The following DNAH9 variants were observed in gnomAD, a reference collection of about 807,000 sequenced individuals.
DNAH9 encodes dynein axonemal heavy chain 9, also known as DNAH9 variant protein.
Under a neutral mutation model 471.6 loss-of-function variants are expected in DNAH9, and 345 were observed. That is an observed-to-expected ratio of 0.73 (90% CI 0.67 to 0.80). The LOEUF is 0.80. Ranked by LOEUF, DNAH9 falls within the 30% of genes least tolerant of loss-of-function variation. The probability of loss-of-function intolerance (pLI) is 0.00; values close to 1 mark genes in which losing one functional copy is unlikely to be tolerated. For missense variants in DNAH9, 5,407 were observed against 5,609.2 expected (o/e 0.96, Z 1.15); for synonymous variants, 2,093 against 2,123.6 (o/e 0.99, Z 0.40).
chr17:11,660,899 C>A (rs1287572329), intron 14 of DNAH9, among the ~76,000 whole-genome samples: 1 of 151,956 alleles, frequency 6.6e-6, no homozygotes, highest in African/African-American at 2.4e-5. Context: ...TAAATTAGTT[C>A]AAAGCAATTG....
intron 29 of DNAH9, among the ~76,000 whole-genome samples, chr17:11,740,839 C>T (rs749430457): frequency 1.5e-4 from 23 of 152,260 alleles, no homozygotes; most frequent in Non-Finnish European, 2.9e-4. Context: ...TATTCCTCCC[C>T]GCCCCCAGTC....
At chr17:11,917,583 A>G (rs949515209) in intron 61 of DNAH9, among the ~76,000 whole-genome samples, 2 of 152,026 alleles carry the variant, frequency 1.3e-5, no homozygotes, top group Non-Finnish European at 2.9e-5. Flanking sequence ...CTTTTTCCCT[A>G]AAGGAGCCAC....
chr17:11,842,398 C>T (rs2150959931), intron 49 of DNAH9, among the ~76,000 whole-genome samples: 1 of 152,232 alleles, frequency 6.6e-6, no homozygotes, highest in African/African-American at 2.4e-5. Context: ...GTCAGGTTCT[C>T]TAGAGGGACA....
intron 57 of DNAH9, 118 bp downstream of exon 57, chr17:11,887,083 C>A: frequency 7.4e-7 from 1 of 1,344,924 alleles, no homozygotes; most frequent in African/African-American, 1.5e-5. Flanking sequence ...TCTGTAAGAT[C>A]AAAGCCAGGA....
intron 26 of DNAH9, among the ~76,000 whole-genome samples, chr17:11,712,346 G>A (rs2074883760): frequency 6.6e-6 from 1 of 151,542 alleles, no homozygotes; most frequent in Admixed American, 6.6e-5. Context: ...TGGACACTTA[G>A]ATGATTTTCA....
rs760330537 is a variant in DNAH9 at position 11,826,820 on chromosome 17, C to CTTTTTTT, written c.9246+3802_9246+3808dup. Among the ~76,000 whole-genome samples, 71 of 102,984 alleles carry CTTTTTTT rather than the reference C, an allele frequency of 6.9e-4. 1 individual carries two copies. Among genetic ancestry groups the CTTTTTTT allele is most frequent in the East Asian group, 3.5e-3 (10 of 2,836 alleles). The allele number at this position is 102,984 out of a possible 152,430, so 67.6% of individuals were successfully genotyped here. A position where few individuals can be genotyped will look rare whatever the true frequency, so the allele number is the denominator to read the frequency against. ...TGTCCTCTTGTTGAGTCCCTACTTT[C>CTTTTTTT]TTTTTTTTTTTTTTTTTTTTTTGAG... On this transcript the variant is annotated intron_variant, in intron 48 of 68. Transcript: ENST00000262442.
rs202196562 is a variant in DNAH9, at chr17:11,822,534, G to A, written c.8947G>A (p.Glu2983Lys). The A allele has an allele frequency of 1.5e-4, 243 of 1,614,036 alleles. No individual in the cohort carries two copies. Among genetic ancestry groups the A allele is most frequent in the Non-Finnish European group, 1.8e-4 (215 of 1,180,024 alleles). ...CTGCACAGCCATCCACTGGTTCCAC[G>A]AGTGGCCTCAGCAAGCATTGGAGTC... ...VNCTAIHWFH[E>K]WPQQALESVS... is the part of the protein sequence containing the mutation. The change falls in exon 47 of 69, where the codon GAG (glutamate) becomes AAG (lysine). Residue 2983 changes from glutamate (E) to lysine (K), a missense_variant. Around this residue, in one of 3 missense-constraint regions of DNAH9, gnomAD observed 4,636 missense variants for 4,900.3 expected, o/e 0.95. Transcript: ENST00000262442.
chr17:11,613,251 GAGACAGGTGTCCCCAGA>G (rs952126231), intron 4 of DNAH9, among the ~76,000 whole-genome samples: 4 of 152,150 alleles, frequency 2.6e-5, no homozygotes, highest in African/African-American at 9.7e-5. Flanking sequence ...ACACTTCCAG[GAGACAGGTGTCCCCAGA>G]AGTGGTATGT....
intron 50 of DNAH9, among the ~76,000 whole-genome samples, chr17:11,862,561 T>G (rs995069362): frequency 2.1e-4 from 32 of 150,116 alleles, no homozygotes; most frequent in African/African-American, 7.6e-4. Flanking sequence ...GTGAAGAAAG[T>G]CATTGGTAGC....
intron 59 of DNAH9, among the ~76,000 whole-genome samples, chr17:11,898,863 T>G (rs1028429586): frequency 1.3e-5 from 2 of 152,238 alleles, no homozygotes; most frequent in African/African-American, 4.8e-5. Flanking sequence ...TTCATTCCTC[T>G]TTTCACGAAA....
At chr17:11,668,623 C>G (rs1354452992) in intron 15 of DNAH9, among the ~76,000 whole-genome samples, 1 of 146,370 alleles carries the variant, frequency 6.8e-6, no homozygotes, top group Admixed American at 7.1e-5. Flanking sequence ...CAAGATTGTG[C>G]CACTTCACTC....
chr17:11,827,724 C>T (rs1308307680), intron 48 of DNAH9, among the ~76,000 whole-genome samples: 1 of 151,570 alleles, frequency 6.6e-6, no homozygotes, highest in Non-Finnish European at 1.5e-5. Flanking sequence ...TTCACTCTCT[C>T]ACCCAGGCTG....
chr17:11,874,651 A>G (rs1972406560), intron 52 of DNAH9, among the ~76,000 whole-genome samples: 1 of 152,168 alleles, frequency 6.6e-6, no homozygotes, highest in Non-Finnish European at 1.5e-5. Flanking sequence ...GAGGTCGTAG[A>G]TTAAAATACA....
At chr17:11,941,100 C>T (rs1465549173) in intron 66 of DNAH9, among the ~76,000 whole-genome samples, 1 of 152,192 alleles carries the variant, frequency 6.6e-6, no homozygotes, top group Non-Finnish European at 1.5e-5. Context: ...AATCATTGTG[C>T]TCCTGGGAAA....
At chr17:11,734,873 A>C (rs2075320539) in intron 28 of DNAH9, among the ~76,000 whole-genome samples, 1 of 152,198 alleles carries the variant, frequency 6.6e-6, no homozygotes. Context: ...GTCAGTATGC[A>C]GCTATGAATG....
At chr17:11,872,096 A>G (rs564264390) in intron 52 of DNAH9, among the ~76,000 whole-genome samples, 1 of 152,268 alleles carries the variant, frequency 6.6e-6, no homozygotes, top group South Asian at 2.1e-4. Flanking sequence ...ATAGAAAAAG[A>G]ACCATTTTCG....
chr17:11,745,181 A>G (rs1489748758), intron 31 of DNAH9, 97 bp downstream of exon 31: 6 of 957,080 alleles, frequency 6.3e-6, no homozygotes, highest in African/African-American at 4.9e-5. Context: ...GTTGTTTTAG[A>G]TGTACAAATA....
At chr17:11,631,221 C>T (rs1290445923) in intron 7 of DNAH9, among the ~76,000 whole-genome samples, 4 of 151,882 alleles carry the variant, frequency 2.6e-5, no homozygotes, top group Non-Finnish European at 5.9e-5. Flanking sequence ...AGAAAAAGGG[C>T]CAGTATGAAA....
chr17:11,897,200 T>G (rs1186562246), intron 59 of DNAH9, among the ~76,000 whole-genome samples: 2 of 152,238 alleles, frequency 1.3e-5, no homozygotes, highest in African/African-American at 4.8e-5. Flanking sequence ...TTGTGTACTT[T>G]TATACTAAGC....
Sources: allele counts gnomAD v4.1 joint callset (sites outside exome capture counted in the v4.1 genomes callset), GRCh38; gene constraint gnomAD v4.1.1; regional missense constraint gnomAD v4.1.1; transcripts MANE v1.5; gene names NCBI Gene and HGNC (gene_info 2026-07-23, HGNC 2026-07-21).